NCSTN: variants seen among roughly 807,000 people sequenced by gnomAD.
NCSTN encodes the protein anterior pharynx-defective 2.
Under a neutral mutation model 87.0 loss-of-function variants are expected in NCSTN, and 22 were observed. That is an observed-to-expected ratio of 0.25 (90% CI 0.18 to 0.36). NCSTN has a LOEUF of 0.36. NCSTN is among the 10% of genes least tolerant of loss of function. The pLI is 1.00. For synonymous variants in NCSTN, 306 were observed against 327.1 expected (o/e 0.94, Z 0.69); for missense variants, 693 against 883.3 (o/e 0.78, Z 2.73).
At position 160,349,582 on chromosome 1, in the gene NCSTN, C is replaced by T; in HGVS notation, c.348C>T (p.Ser116=). Residue 116 remains serine, a synonymous_variant, in exon 4 of 17, where the codon AGC becomes AGT. Coordinates refer to ENST00000294785, the MANE Select transcript of NCSTN (RefSeq NM_015331.3). ...TGGAGAAGCTGAAAGGGAGAACCAG[C>T]CGAATTGCTGGTCTTGCAGTGTCCT... ...DLMEKLKGRT[S]RIAGLAVSLT... The T allele has an allele frequency of 6.2e-7, 1 of 1,614,166 alleles. No individual in the cohort carries two copies. Among genetic ancestry groups the T allele is most frequent in the Non-Finnish European group, 8.5e-7 (1 of 1,180,016 alleles).
At chr1:160,345,206 T>A in intron 2 of NCSTN, 1 of 316,122 alleles carries the variant, frequency 3.2e-6, no homozygotes, top group Non-Finnish European at 6.1e-6. Context: ...GACCTTTTTT[T>A]TTTGACACGG....
At chr1:160,356,375 C>G (rs1557889200) in intron 14 of NCSTN, 28 bp downstream of exon 14, 1 of 1,552,082 alleles carries the variant, frequency 6.4e-7, no homozygotes, top group Admixed American at 1.7e-5. Flanking sequence ...GAATGGGACC[C>G]TTAGCTGAGG....
In NCSTN at chr1:160,357,355, G is replaced by T. The variant is rs144517378; in HGVS notation, c.2007+102G>T. The T allele has an allele frequency of 2.5e-5, 31 of 1,239,800 alleles. No individual in the cohort carries two copies. The East Asian group carries it at 6.6e-4, about 26-fold the overall frequency. The allele number at this position is 1,239,800 out of a possible 1,614,324, so 76.8% of individuals were successfully genotyped here. A position where few individuals can be genotyped will look rare whatever the true frequency, so the allele number is the denominator to read the frequency against. ...TCCATCTCCCATTTGCCCCACATTTGTAGCAAAAGCCTACTGCAAATCTGT... is the reference window on the plus strand; with the variant it reads ...TCCATCTCCCATTTGCCCCACATTTTTAGCAAAAGCCTACTGCAAATCTGT... On this transcript the variant is annotated intron_variant, in intron 16 of 16. Coordinates refer to ENST00000294785, the MANE Select transcript of NCSTN (RefSeq NM_015331.3).
intron 3 of NCSTN, 137 bp downstream of exon 3, chr1:160,349,259 G>A: frequency 1.6e-6 from 2 of 1,255,718 alleles, no homozygotes; most frequent in Non-Finnish European, 2.3e-6. Context: ...TCCTCAGAAG[G>A]AAAGGTGTAC....
intron 7 of NCSTN, 100 bp downstream of exon 7, chr1:160,351,905 G>A: frequency 6.8e-7 from 1 of 1,466,970 alleles, no homozygotes; most frequent in East Asian, 2.3e-5. Flanking sequence ...AAATTGGGAA[G>A]CCTCAAATGG....
intron 6 of NCSTN, 114 bp downstream of exon 6, chr1:160,351,486 G>T (rs1257253989): frequency 1.5e-6 from 2 of 1,367,138 alleles, no homozygotes; most frequent in East Asian, 2.4e-5. Flanking sequence ...CCATGAAGGA[G>T]CTCTGCATGG....
rs200632380 is a variant in NCSTN, at chr1:160,343,445, C to G, written c.49C>G (p.Leu17Val). The change falls in exon 1 of 17, where the codon CTC becomes GTC. Residue 17 changes from leucine to valine, a missense_variant. By Grantham distance (32) the Leu-to-Val change is conservative. Coordinates refer to ENST00000294785, the MANE Select transcript of NCSTN (RefSeq NM_015331.3). ...GSGADPGSRGLLRLLSFCVLL... is the reference protein window; with the variant it reads ...GSGADPGSRGVLRLLSFCVLL... ...TGGGGCTGACCCGGGAAGTCGGGGT[C>G]TCCTTCGCCTTCTGTCTTTCTGCGT... The G allele has an allele frequency of 3.0e-5, 49 of 1,611,972 alleles. No individual in the cohort carries two copies. The highest frequency in any genetic ancestry group is 4.1e-5 in the Non-Finnish European group (48 of 1,179,466).
chr1:160,343,488 C>G lies in NCSTN; in HGVS notation c.85+7C>G. 2.5e-6 allele frequency: 4 copies of G among 1,602,038 alleles called. No homozygotes were observed. The highest frequency in any genetic ancestry group is 3.4e-6 in the Non-Finnish European group (4 of 1,175,250). The stretch of plus-strand genomic sequence containing the variant: ...TTCTGCGTCCTACTAGCAGGTGAGG[C>G]CTCCCCGCCCGTGAGCTCCGTTCTC... On this transcript the variant is annotated splice_region_variant and intron_variant, in intron 1 of 16. Coordinates refer to ENST00000294785, the MANE Select transcript of NCSTN (RefSeq NM_015331.3).
chr1:160,349,178 A>T, intron 3 of NCSTN, 56 bp downstream of exon 3: 9 of 1,607,200 alleles, frequency 5.6e-6, no homozygotes, highest in South Asian at 1.1e-5. Context: ...GTTTCAGTGA[A>T]CAGTCCTCAC....
intron 11 of NCSTN, 121 bp from the exon 12 acceptor site, chr1:160,355,534 C>A: frequency 1.3e-6 from 1 of 773,532 alleles, no homozygotes. Context: ...GATTGTCTCT[C>A]ACCCCTTTCT....
intron 1 of NCSTN, chr1:160,344,371 T>G: frequency 6.3e-6 from 7 of 1,117,186 alleles, no homozygotes; most frequent in Non-Finnish European, 8.7e-6. Context: ...CAATTAGTAA[T>G]ATACATACAG....
chr1:160,350,453 C>CAAA (rs5778159), intron 5 of NCSTN, among the ~76,000 whole-genome samples: 4 of 98,198 alleles, frequency 4.1e-5, no homozygotes, highest in Non-Finnish European at 4.3e-5. Context: ...CCCTGTGTCA[C>CAAA]AAAAAAAAAA....
chr1:160,343,626 C>A, intron 1 of NCSTN, 145 bp downstream of exon 1: 1 of 838,450 alleles, frequency 1.2e-6, no homozygotes, highest in Non-Finnish European at 2.0e-6. Flanking sequence ...GTTCCCACGA[C>A]AGAAGTTCCC....
intron 3 of NCSTN, 66 bp from the exon 4 acceptor site, chr1:160,349,483 C>A (rs1326247584): frequency 6.2e-7 from 1 of 1,603,098 alleles, no homozygotes; most frequent in Admixed American, 1.7e-5. Context: ...TTCCATCCTG[C>A]AGGCAGAATG....
intron 6 of NCSTN, 51 bp from the exon 7 acceptor site, chr1:160,351,645 C>G: frequency 1.4e-6 from 2 of 1,480,942 alleles, no homozygotes; most frequent in South Asian, 1.1e-5. Context: ...GCCTTTATAG[C>G]TACCTTCTCC....
intron 2 of NCSTN, among the ~76,000 whole-genome samples, chr1:160,347,057 T>C (rs1461619360): frequency 1.3e-5 from 2 of 152,198 alleles, no homozygotes; most frequent in Non-Finnish European, 2.9e-5. Flanking sequence ...GAAAACTCCT[T>C]TGGGAATAAG....
chr1:160,356,397 G>A (rs200375901), intron 14 of NCSTN, 50 bp downstream of exon 14: 1 of 1,516,458 alleles, frequency 6.6e-7, no homozygotes, highest in Non-Finnish European at 9.2e-7. Context: ...AAGGGATAGA[G>A]AAAAAGTCTT....
At position 160,358,405 on chromosome 1, in the gene NCSTN, A is replaced by G. The variant is rs903706253; in HGVS notation, c.*134A>G. 1.7e-6 allele frequency: 2 copies of G among 1,190,222 alleles called. No individual in the cohort carries two copies. Among genetic ancestry groups the G allele is most frequent in the African/African-American group, 3.0e-5 (2 of 66,540 alleles). The allele number at this position is 1,190,222 out of a possible 1,614,324, so 73.7% of individuals were successfully genotyped here. A position where few individuals can be genotyped will look rare whatever the true frequency, so the allele number is the denominator to read the frequency against. On this transcript the variant is annotated 3_prime_UTR_variant, in exon 17 of 17. Transcript: ENST00000294785. ...GATTGGGATTAACATAAAAGAGTGG[A>G]ACTATCCAAAAGAGACAGGGAGAAA...
At chr1:160,354,785 G>T (rs993912128) in intron 11 of NCSTN, among the ~76,000 whole-genome samples, 2 of 152,168 alleles carry the variant, frequency 1.3e-5, no homozygotes, top group African/African-American at 4.8e-5. Flanking sequence ...AGCTGATGGG[G>T]CTCCAGAGAT....
Sources: gnomAD v4.1 joint callset for allele counts (sites outside exome capture counted in the v4.1 genomes callset) on GRCh38, gnomAD v4.1.1 for gene constraint, MANE v1.5 for transcripts, NCBI Gene and HGNC (gene_info 2026-07-23, HGNC 2026-07-21) for gene names.